Variants in RPS6KA2 observed in about 807,000 individuals in gnomAD.
The protein encoded by RPS6KA2 is ribosomal protein S6 kinase A2, also known as ribosomal protein S6 kinase alpha-2.
Under a neutral mutation model 91.8 loss-of-function variants are expected in RPS6KA2, and 42 were observed. The observed-to-expected ratio is 0.46, with a 90% confidence interval of 0.36 to 0.59. The LOEUF (loss-of-function observed/expected upper bound fraction) is 0.59, where lower values mean the gene tolerates loss of function less well. Ranked by LOEUF, RPS6KA2 falls within the 20% of genes least tolerant of loss-of-function variation. RPS6KA2 has a pLI of 0.00. For missense variants in RPS6KA2, 798 were observed against 978.5 expected, an observed-to-expected ratio of 0.82 and a Z score of 2.46; for synonymous variants, 414 against 393.6, an observed-to-expected ratio of 1.05 and a Z score of -0.61.
Position 166,627,081 on chromosome 6 carries a change from G to T in RPS6KA2, c.-62C>A. 7.8e-7 allele frequency: 1 copy of T among 1,288,446 alleles called. No homozygotes were observed. The allele number at this position is 1,288,446 out of a possible 1,614,324, so 79.8% of individuals were successfully genotyped here. A position where few individuals can be genotyped will look rare whatever the true frequency, so the allele number is the denominator to read the frequency against. Reference sequence around the variant, plus strand: ...GGGACGCGCATCCCCGGCATCCCAGGCGCGGGGCTCAGGTCCGCGGGCGGG... The same window carrying T: ...GGGACGCGCATCCCCGGCATCCCAGTCGCGGGGCTCAGGTCCGCGGGCGGG... On this transcript the variant is annotated 5_prime_UTR_variant, in exon 1 of 21. Transcript: ENST00000265678.
rs1455098379 is a variant in RPS6KA2, at chr6:166,411,887, G to C, written c.*875C>G. The C allele has an allele frequency of 6.6e-6, 1 of 152,314 alleles. No homozygotes were observed. Among genetic ancestry groups the C allele is most frequent in the East Asian group, 1.9e-4 (1 of 5,198 alleles). 9.4% of individuals were successfully genotyped at this position (152,314 alleles called of 1,614,324 possible). A position where few individuals can be genotyped will look rare whatever the true frequency, so the allele number is the denominator to read the frequency against. On this transcript the variant is annotated 3_prime_UTR_variant, in exon 21 of 21. Coordinates refer to ENST00000265678, the MANE Select transcript of RPS6KA2 (RefSeq NM_021135.6). This position sits in a 1 kb window ranked among gnomAD's most constrained non-coding sequence, Gnocchi z 4.5. ...AACCACAGCTTTAGGTGAGCACACA[G>C]GAAGCCGACACAGGGCTGAGCAGGT...
chr6:166,477,326 T>C (rs1396339284), intron 10 of RPS6KA2, among the ~76,000 whole-genome samples: 1 of 152,164 alleles, frequency 6.6e-6, no homozygotes, highest in Non-Finnish European at 1.5e-5. Flanking sequence ...TTGTGTGAGC[T>C]TCCAGGGGGC....
rs1296436302 is a variant in RPS6KA2, at chr6:166,410,081, T to C, written c.*2681A>G. On this transcript the variant is annotated 3_prime_UTR_variant, in exon 21 of 21. Transcript: ENST00000265678. ...GGGCTGCCAGGGAAGGAGGACCCTA[T>C]AGGGTGGCCAGCAAGGGGCCACTGG... 6.7e-6 allele frequency: 1 copy of C among 150,250 alleles called. No individual in the cohort carries two copies. The highest frequency in any genetic ancestry group is 2.5e-5 in the African/African-American group (1 of 40,600). The allele number at this position is 150,250 out of a possible 1,614,324, so 9.3% of individuals were successfully genotyped here.
At chr6:166,564,007 G>A (rs891645568) in intron 1 of RPS6KA2, among the ~76,000 whole-genome samples, 3 of 152,194 alleles carry the variant, frequency 2.0e-5, no homozygotes, top group Admixed American at 6.5e-5. Context: ...CAGCACTGCG[G>A]TTCCTTGCTC....
intron 1 of RPS6KA2, among the ~76,000 whole-genome samples, chr6:166,596,865 C>A (rs1198618729): frequency 1.3e-5 from 2 of 152,200 alleles, no homozygotes; most frequent in East Asian, 3.9e-4. Flanking sequence ...GTTTCCACCA[C>A]TGAAATCTTT....
Position 166,412,966 on chromosome 6 carries a change from C to T in RPS6KA2, c.2077-79G>A, listed in dbSNP as rs888843968. On this transcript the variant is annotated intron_variant, in intron 20 of 20. Coordinates refer to ENST00000265678, the MANE Select transcript of RPS6KA2 (RefSeq NM_021135.6). The surrounding 1 kb of genome is among the most constrained non-coding windows in gnomAD (Gnocchi z 4.3). ...GCCGGAGCCCGGGGCCTCCATGGGC[C>T]TCAGCTGCCCCCAGGCAACGTGGGA... 1.4e-6 allele frequency: 2 copies of T among 1,399,852 alleles called. No homozygotes were observed. The highest frequency in any genetic ancestry group is 1.5e-5 in the African/African-American group (1 of 68,410). The allele number at this position is 1,399,852 out of a possible 1,614,324, so 86.7% of individuals were successfully genotyped here.
chr6:166,755,464 T>C (rs896622278), intron 2 of RPS6KA2, among the ~76,000 whole-genome samples: 3 of 151,282 alleles, frequency 2.0e-5, no homozygotes, highest in Non-Finnish European at 4.4e-5. Context: ...CCTACACAAC[T>C]GGGGTTTATT....
upstream of RPS6KA2, among the ~76,000 whole-genome samples, chr6:166,632,130 C>A (rs932812907): frequency 1.3e-5 from 2 of 152,134 alleles, no homozygotes; most frequent in African/African-American, 4.8e-5. Context: ...TTTTAGACTC[C>A]ACAGATAAGT....
At chr6:166,537,188 C>T (rs1783508269) in intron 2 of RPS6KA2, among the ~76,000 whole-genome samples, 2 of 152,378 alleles carry the variant, frequency 1.3e-5, no homozygotes, top group South Asian at 4.1e-4. Context: ...TTCTGTGCTT[C>T]CACAGGTGGA....
chr6:166,657,304 T>G (rs7749359), intron 2 of RPS6KA2, among the ~76,000 whole-genome samples: 50,116 of 151,732 alleles, frequency 0.33, 8,641 homozygotes, highest in African/African-American at 0.43. Context: ...ATGATAATTG[T>G]CCTGCTTTTG....
rs369460047 is a variant in RPS6KA2 at position 166,570,106 on chromosome 6, C to A, written c.100-31322G>T. 1.1e-3 allele frequency among the ~76,000 whole-genome samples: 175 copies of A among 152,284 alleles called. 2 individuals carry two copies. The South Asian group carries it at 0.035, about 31-fold the overall frequency. ...GAGAGGCTGTCCAGTATGAGGGTGACAAAGGGACACGTTCCCACAAAAGAA... is the reference window on the plus strand; with the variant it reads ...GAGAGGCTGTCCAGTATGAGGGTGAAAAAGGGACACGTTCCCACAAAAGAA... On this transcript the variant is annotated intron_variant, in intron 1 of 20. Transcript: ENST00000265678.
At chr6:166,838,760 A>G (rs560463307) in intron 2 of RPS6KA2, among the ~76,000 whole-genome samples, 2 of 150,360 alleles carry the variant, frequency 1.3e-5, no homozygotes, top group South Asian at 4.1e-4. Context: ...AAAGATACTA[A>G]CAGATGTCCA....
intron 2 of RPS6KA2, among the ~76,000 whole-genome samples, chr6:166,667,560 T>G (rs1178448094): frequency 6.6e-6 from 1 of 152,154 alleles, no homozygotes; most frequent in African/African-American, 2.4e-5. Flanking sequence ...TGTCATTTAG[T>G]CAGGAAAAAT....
At chr6:166,496,357 ATAAAAAAT>A (rs149771567) in intron 8 of RPS6KA2, among the ~76,000 whole-genome samples, 37,143 of 150,110 alleles carry the variant, frequency 0.25, 5,360 homozygotes, top group East Asian at 0.53. Context: ...TCAAAAAACA[ATAAAAAAT>A]TAAAAAATAA....
rs1779344719 is a variant in RPS6KA2 at position 166,437,042 on chromosome 6, T to C, written c.1333-4552A>G. ...TTCTGAAAAAAAAATTTTTTTTTTT[T>C]GCTTTTGTTTTTATTTTTGCATGGA... is the stretch of plus-strand genomic sequence containing the variant. On this transcript the variant is annotated intron_variant, in intron 14 of 20. Transcript: ENST00000265678. This position sits in a 1 kb window ranked among gnomAD's most constrained non-coding sequence, Gnocchi z 4.3. Among the ~76,000 whole-genome samples, 1 of 152,032 alleles carries C rather than the reference T, an allele frequency of 6.6e-6. No homozygotes were observed.
intron 2 of RPS6KA2, among the ~76,000 whole-genome samples, chr6:166,785,541 T>C (rs925139020): frequency 1.3e-5 from 2 of 152,264 alleles, no homozygotes; most frequent in African/African-American, 4.8e-5. Context: ...ACGCCAGGCA[T>C]GGTGCTCCTG....
At chr6:166,835,622 G>T (rs375010174) in intron 2 of RPS6KA2, among the ~76,000 whole-genome samples, 3 of 152,278 alleles carry the variant, frequency 2.0e-5, no homozygotes, top group Middle Eastern at 3.4e-3. Flanking sequence ...TCCTAAACAC[G>T]TGAGTCTTAA....
At chr6:166,782,514 G>A (rs1052415650) in intron 2 of RPS6KA2, among the ~76,000 whole-genome samples, 4 of 152,134 alleles carry the variant, frequency 2.6e-5, no homozygotes, top group Non-Finnish European at 4.4e-5. Context: ...TCTCAGGACC[G>A]ATCAGAAGCC....
At chr6:166,520,236 C>T (rs916799498) in intron 3 of RPS6KA2, among the ~76,000 whole-genome samples, 2 of 152,080 alleles carry the variant, frequency 1.3e-5, no homozygotes, top group African/African-American at 4.8e-5. Flanking sequence ...TCCTGGTTCT[C>T]AGGACTTTGA....
Sources: allele counts gnomAD v4.1 joint callset (sites outside exome capture counted in the v4.1 genomes callset), GRCh38; gene constraint gnomAD v4.1.1; non-coding constraint Gnocchi (gnomAD v3.1); transcripts MANE v1.5; gene names NCBI Gene and HGNC (gene_info 2026-07-23, HGNC 2026-07-21).